ADAP1: variants seen among roughly 807,000 people sequenced by gnomAD.
ADAP1 encodes arf-GAP with dual PH domain-containing protein 1.
ADAP1 carries 31 observed loss-of-function variants against 54.9 expected under a neutral mutation model. The ratio of observed to expected loss-of-function variants is 0.56; its 90% CI spans 0.42 to 0.76. The LOEUF (loss-of-function observed/expected upper bound fraction) is 0.76. Ranked by LOEUF, ADAP1 falls within the 30% of genes least tolerant of loss-of-function variation. The pLI is 0.00. For synonymous variants in ADAP1, 313 were observed against 202.6 expected (o/e 1.55, Z -4.63); for missense variants, 535 against 512.4 (o/e 1.04, Z -0.42).
rs143887401 is a variant in ADAP1, at chr7:946,242, T to C, written c.82+8154A>G. Among the ~76,000 whole-genome samples the C allele has an allele frequency of 5.6e-3, 857 of 152,220 alleles. 9 individuals carry two copies. Among genetic ancestry groups the C allele is most frequent in the African/African-American group, 0.02 (830 of 41,546 alleles). ...CAGTTACCCGTGGCCCCTGCAGGGA[T>C]CCAGGCTCCCGCCGGCCGGTGGATC... On this transcript the variant is annotated intron_variant, in intron 1 of 10. Transcript: ENST00000265846. This position sits in a 1 kb window ranked among gnomAD's most constrained non-coding sequence, Gnocchi z 4.3.
chr7:905,886 A>AGGGAGAAGGGAGAAGGG (rs1562913166), intron 4 of ADAP1, among the ~76,000 whole-genome samples: 2 of 9,994 alleles, frequency 2.0e-4, no homozygotes, highest in Non-Finnish European at 7.3e-4. Flanking sequence ...AGAAAGGAGA[A>AGGGAGAAGGGAGAAGGG]AGGAGAAAGG....
chr7:901,352 G>A (rs2128633539), intron 6 of ADAP1: 1 of 230,570 alleles, frequency 4.3e-6, no homozygotes, highest in South Asian at 5.0e-5. Context: ...TCAGCCTACA[G>A]CCTGGAGCTG....
chr7:919,077 C>T (rs1355285329), intron 4 of ADAP1, among the ~76,000 whole-genome samples: 1 of 152,194 alleles, frequency 6.6e-6, no homozygotes, highest in Non-Finnish European at 1.5e-5. Context: ...GCGCCCACCT[C>T]CACAGCCCCG....
chr7:929,460 C>T (rs975080210), intron 2 of ADAP1, among the ~76,000 whole-genome samples: 41 of 148,972 alleles, frequency 2.8e-4, no homozygotes, highest in African/African-American at 7.9e-4. Context: ...GTGGGAGGAT[C>T]GCTTGAGCCT....
chr7:911,643 G>C (rs1403579013), intron 4 of ADAP1, among the ~76,000 whole-genome samples: 7 of 18,526 alleles, frequency 3.8e-4, no homozygotes, highest in African/African-American at 1.1e-3. Flanking sequence ...GGGTCCCACG[G>C]AGGGCCAGGA....
chr7:921,923 G>A (rs924216208), intron 3 of ADAP1, among the ~76,000 whole-genome samples: 1 of 152,180 alleles, frequency 6.6e-6, no homozygotes, highest in African/African-American at 2.4e-5. Context: ...GCCCTGCCCT[G>A]GTGCAGAATG....
intron 4 of ADAP1, among the ~76,000 whole-genome samples, chr7:919,343 G>A (rs1384869749): frequency 1.3e-5 from 2 of 152,160 alleles, no homozygotes; most frequent in Admixed American, 1.3e-4. Flanking sequence ...CAGCAGAGGA[G>A]GGGCCAGCCA....
chr7:902,827 C>T (rs1415777153), intron 6 of ADAP1, among the ~76,000 whole-genome samples: 1 of 151,758 alleles, frequency 6.6e-6, no homozygotes, highest in African/African-American at 2.4e-5. Context: ...AACCGCGGGA[C>T]AAACGTACTA....
rs1322763412 is a variant in ADAP1, at chr7:935,520, C to A, written c.83-15G>T. The A allele has an allele frequency of 1.3e-6, 2 of 1,558,340 alleles. No homozygotes were observed. The highest frequency in any genetic ancestry group is 2.7e-5 in the African/African-American group (2 of 73,258). ...CCAGTCGGGATCTGCAAGGGAAAGC[C>A]GGACGTTCACGGAGGCTCAGCCCAG... On this transcript the variant is annotated splice_polypyrimidine_tract_variant and intron_variant, in intron 1 of 10. Transcript: ENST00000265846.
rs988921232 is a variant in ADAP1 at position 898,562 on chromosome 7, C to T, written c.*359G>A. On this transcript the variant is annotated 3_prime_UTR_variant, in exon 11 of 11. Transcript: ENST00000265846. The stretch of plus-strand genomic sequence containing the variant: ...TGCTGGCCCCAAGCAGGGCTCTGCG[C>T]TGAGGCCTGGAAGTTCCCACAGCCG... The T allele has an allele frequency of 2.6e-6, 1 of 387,254 alleles. No individual in the cohort carries two copies. The highest frequency in any genetic ancestry group is 2.1e-5 in the African/African-American group (1 of 48,512). 24.0% of individuals were successfully genotyped at this position (387,254 alleles called of 1,614,324 possible).
chr7:923,673 G>A (rs920055302), intron 3 of ADAP1, among the ~76,000 whole-genome samples: 2 of 152,146 alleles, frequency 1.3e-5, no homozygotes, highest in African/African-American at 4.8e-5. Flanking sequence ...TGCTCGACCT[G>A]CCTGGAGGGA....
intron 1 of ADAP1, among the ~76,000 whole-genome samples, chr7:949,590 G>A (rs1360372747): frequency 6.6e-6 from 1 of 152,240 alleles, no homozygotes; most frequent in Admixed American, 6.5e-5. Context: ...TGCGGTCACG[G>A]CCGGTGCAGC....
chr7:942,193 A>G (rs1276444010), intron 1 of ADAP1, among the ~76,000 whole-genome samples: 2 of 152,250 alleles, frequency 1.3e-5, no homozygotes, highest in Non-Finnish European at 2.9e-5. Flanking sequence ...CAATTTTAAA[A>G]GAAAACAGGA....
chr7:932,140 A>G (rs1846601213), intron 2 of ADAP1, among the ~76,000 whole-genome samples: 1 of 152,186 alleles, frequency 6.6e-6, no homozygotes, highest in Admixed American at 6.5e-5. Context: ...ACGTGCAGAC[A>G]ACAGAATGGG....
chr7:905,038 C>T (rs746072377), intron 5 of ADAP1, 22 bp downstream of exon 5: 1 of 1,600,528 alleles, frequency 6.2e-7, no homozygotes, highest in Non-Finnish European at 8.5e-7. Flanking sequence ...AGGCCCCCAC[C>T]CCACCCCCGT....
intron 4 of ADAP1, among the ~76,000 whole-genome samples, chr7:911,035 T>G (rs1448028402): frequency 6.6e-6 from 1 of 152,142 alleles, no homozygotes; most frequent in Non-Finnish European, 1.5e-5. Flanking sequence ...ACCCACGCTC[T>G]CCGACCCATT....
rs1206930301 is a variant in ADAP1 at position 935,276 on chromosome 7, A to G, written c.213+99T>C. On this transcript the variant is annotated intron_variant, in intron 2 of 10. Coordinates refer to ENST00000265846, the MANE Select transcript of ADAP1 (RefSeq NM_006869.4). ...GGCCCCCAGAGTAGCCCAAGGCTCCAGGGGCCACAGCCAGGCCGCCCGGCA... is the reference window on the plus strand; with the variant it reads ...GGCCCCCAGAGTAGCCCAAGGCTCCGGGGGCCACAGCCAGGCCGCCCGGCA... 27 of 1,464,002 alleles carry G rather than the reference A, an allele frequency of 1.8e-5. No homozygotes were observed. The East Asian group carries it at 6.0e-4, about 33-fold the overall frequency. The allele number at this position is 1,464,002 out of a possible 1,614,324, so 90.7% of individuals were successfully genotyped here.
chr7:933,222 G>A (rs910247194), intron 2 of ADAP1, among the ~76,000 whole-genome samples: 4 of 151,406 alleles, frequency 2.6e-5, no homozygotes, highest in Non-Finnish European at 5.9e-5. Context: ...AGTGAGCCGA[G>A]ATCATGCTAC....
intron 3 of ADAP1, among the ~76,000 whole-genome samples, chr7:924,877 C>T (rs1184100545): frequency 6.6e-6 from 1 of 152,136 alleles, no homozygotes; most frequent in Non-Finnish European, 1.5e-5. Context: ...TGCTGGGGCT[C>T]CATGATTCAT....
Sources: gnomAD v4.1 joint callset for allele counts (sites outside exome capture counted in the v4.1 genomes callset) on GRCh38, gnomAD v4.1.1 for gene constraint, Gnocchi (gnomAD v3.1) non-coding constraint, MANE v1.5 for transcripts, NCBI Gene and HGNC (gene_info 2026-07-23, HGNC 2026-07-21) for gene names.